Variants in SYNPO2 observed in about 807,000 individuals in gnomAD.
The protein encoded by SYNPO2 is synaptopodin 2.
Under a neutral mutation model 85.0 loss-of-function variants are expected in SYNPO2, and 56 were observed. The observed-to-expected ratio is 0.66, with a 90% CI of 0.53 to 0.82. SYNPO2 has a LOEUF of 0.82. SYNPO2 is among the 40% of genes least tolerant of loss of function. SYNPO2 has a pLI of 0.00. For synonymous variants in SYNPO2, 602 were observed against 591.1 expected (o/e 1.02, Z -0.27); for missense variants, 1,575 against 1,534.2 (o/e 1.03, Z -0.44).
intron 1 of SYNPO2, among the ~76,000 whole-genome samples, chr4:118,923,241 C>A (rs562892920): frequency 6.6e-6 from 1 of 152,206 alleles, no homozygotes; most frequent in East Asian, 1.9e-4. Flanking sequence ...ATGACCTTTT[C>A]AGCCACATGG....
intron 1 of SYNPO2, among the ~76,000 whole-genome samples, chr4:118,873,970 G>C (rs1382526746): frequency 7.9e-6 from 1 of 126,038 alleles, no homozygotes; most frequent in Non-Finnish European, 1.8e-5. Flanking sequence ...ATTAAAAAGA[G>C]TGTCCTTTTC....
intron 1 of SYNPO2, among the ~76,000 whole-genome samples, chr4:118,977,424 G>A (rs958664413): frequency 6.6e-6 from 1 of 152,200 alleles, no homozygotes; most frequent in African/African-American, 2.4e-5. Flanking sequence ...TCCCGCTCAC[G>A]CCTCTCCCTC....
In SYNPO2 at chr4:119,030,906, T is replaced by C. The variant is rs747794714; in HGVS notation, c.2131T>C (p.Leu711=). 2 of 1,614,126 alleles carry C rather than the reference T, an allele frequency of 1.2e-6. No homozygotes were observed. The highest frequency in any genetic ancestry group is 1.1e-5 in the South Asian group (1 of 91,082). Residue 711 remains leucine, a synonymous_variant, in exon 4 of 5, where the codon TTG becomes CTG. Transcript: ENST00000307142. ...CAAAGTAAGCCCAAATCCTGAACTC[T>C]TGTCACTCCTTCAAAATTCAGAAGG... is the stretch of plus-strand genomic sequence containing the variant. The part of the protein sequence containing the change: ...EPKVSPNPEL[L]SLLQNSEGKR...
In SYNPO2 at chr4:118,906,189, C is replaced by A. The variant is rs555593691; in HGVS notation, c.105+17048C>A. On this transcript the variant is annotated intron_variant, in intron 1 of 4. Coordinates refer to ENST00000307142, the MANE Select transcript of SYNPO2 (RefSeq NM_133477.3). ...TTCAAGAGTGGCAACTATTGAAAAG[C>A]CTGATTTTGCTGAGGTTTTGCTTTT... 5.9e-5 allele frequency among the ~76,000 whole-genome samples: 9 copies of A among 151,890 alleles called. No homozygotes were observed. In the South Asian group the frequency reaches 1.7e-3, roughly 28 times the overall value.
intron 1 of SYNPO2, among the ~76,000 whole-genome samples, chr4:119,015,569 T>C (rs1737494345): frequency 6.6e-6 from 1 of 152,164 alleles, no homozygotes. Context: ...ACATTATGGA[T>C]TCCAATTCAT....
rs564810818 is a variant in SYNPO2, at chr4:118,939,865, T to C, written c.105+50724T>C. On this transcript the variant is annotated intron_variant, in intron 1 of 4. Transcript: ENST00000307142. ...TTAGAGACTCAGTGTTCTCACGTAA[T>C]ATCACTTTTTGAACTGTGTTTTGTT... 7.2e-5 allele frequency among the ~76,000 whole-genome samples: 11 copies of C among 152,330 alleles called. No individual in the cohort carries two copies. The South Asian group carries it at 1.9e-3, about 26-fold the overall frequency.
At chr4:118,993,300 TAGTA>T (rs1192960678) in intron 1 of SYNPO2, among the ~76,000 whole-genome samples, 3 of 152,134 alleles carry the variant, frequency 2.0e-5, no homozygotes, top group Non-Finnish European at 2.9e-5. Context: ...GGAAATGAAA[TAGTA>T]AGCATGATGG....
intron 1 of SYNPO2, among the ~76,000 whole-genome samples, chr4:118,968,237 GC>G (rs1735388680): frequency 6.6e-6 from 1 of 152,180 alleles, no homozygotes; most frequent in South Asian, 2.1e-4. Flanking sequence ...GAAGGAAGTT[GC>G]TGCAGGGTCA....
intron 1 of SYNPO2, among the ~76,000 whole-genome samples, chr4:119,001,764 T>C (rs1339695534): frequency 6.6e-6 from 1 of 152,200 alleles, no homozygotes; most frequent in East Asian, 1.9e-4. Context: ...TACCTTTGTC[T>C]AGTTTTCTTC....
intron 1 of SYNPO2, among the ~76,000 whole-genome samples, chr4:119,007,252 ACATATATATATATATATATATATG>A (rs1560972269): frequency 0.047 from 1,327 of 28,038 alleles, 58 homozygotes; most frequent in Middle Eastern, 0.11. Context: ...ATATGTATAT[ACATATATATATATATATATATATG>A]TATATACATA....
chr4:119,027,419 G>C lies in SYNPO2; in HGVS notation c.1050G>C (p.Lys350Asn), dbSNP rs1172674048. 1.3e-6 allele frequency: 2 copies of C among 1,599,848 alleles called. No homozygotes were observed. Among genetic ancestry groups the C allele is most frequent in the Admixed American group, 1.7e-5 (1 of 59,772 alleles). Reference sequence around the variant, plus strand: ...AAAAAGATCACAGCAGACCTCACAAGCACCGAGCGCGGCATGCACGTAAGT... The same window carrying C: ...AAAAAGATCACAGCAGACCTCACAACCACCGAGCGCGGCATGCACGTAAGT... The part of the protein sequence containing the change: ...RSEKDHSRPH[K>N]HRARHARLRR... The change falls in exon 3 of 5, where the codon AAG (lysine) becomes AAC (asparagine). Residue 350 changes from lysine to asparagine, a missense_variant. Lys to Asn is a moderately conservative substitution (Grantham distance 94). Transcript: ENST00000307142.
intron 1 of SYNPO2, among the ~76,000 whole-genome samples, chr4:118,969,847 T>G (rs539665211): frequency 2.0e-5 from 3 of 152,256 alleles, no homozygotes; most frequent in Non-Finnish European, 4.4e-5. Context: ...CAAAAATGAT[T>G]TGAGATGAGA....
chr4:119,030,724 C>G lies in SYNPO2; in HGVS notation c.1949C>G (p.Pro650Arg), dbSNP rs1455498936. ...GGCCCAGCACAGCCCCCTCCATGGC[C>G]CCAGCCTGCCCCGTGGTCCCAGCCA... ...IAGPAQPPPW[P>R]QPAPWSQPAF... The change falls in exon 4 of 5, where the codon CCC becomes CGC. Residue 650 changes from proline (P) to arginine (R), a missense_variant. Around this residue, in one of 3 missense-constraint regions of SYNPO2, gnomAD observed 1,508 missense variants for 1,446.8 expected, o/e 1.04. Coordinates refer to ENST00000307142, the MANE Select transcript of SYNPO2 (RefSeq NM_133477.3). The G allele has an allele frequency of 6.2e-7, 1 of 1,614,184 alleles. No individual in the cohort carries two copies. The highest frequency in any genetic ancestry group is 8.5e-7 in the Non-Finnish European group (1 of 1,180,048).
intron 1 of SYNPO2, among the ~76,000 whole-genome samples, chr4:118,945,082 C>T (rs1159250739): frequency 6.6e-6 from 1 of 152,172 alleles, no homozygotes; most frequent in Non-Finnish European, 1.5e-5. Flanking sequence ...TAATGAAGTA[C>T]AGTACTTAAT....
At chr4:119,003,298 T>A (rs906697735) in intron 1 of SYNPO2, among the ~76,000 whole-genome samples, 7 of 151,984 alleles carry the variant, frequency 4.6e-5, no homozygotes, top group Non-Finnish European at 8.8e-5. Flanking sequence ...GCCAAACACA[T>A]AAAACCATCA....
chr4:119,033,261 C>T (rs2279504), intron 4 of SYNPO2: 828,461 of 985,090 alleles, frequency 0.84, 350,988 homozygotes, highest in Non-Finnish European at 0.86. Flanking sequence ...CTTGTGTTTG[C>T]TTTGCTTTTT....
At chr4:118,932,136 G>A (rs950562281) in intron 1 of SYNPO2, among the ~76,000 whole-genome samples, 4 of 152,016 alleles carry the variant, frequency 2.6e-5, no homozygotes, top group African/African-American at 9.7e-5. Flanking sequence ...ACTGAAATAG[G>A]ATCATTTCCA....
chr4:118,878,675 C>G (rs1330669750), intron 1 of SYNPO2, among the ~76,000 whole-genome samples: 1 of 152,192 alleles, frequency 6.6e-6, no homozygotes, highest in Non-Finnish European at 1.5e-5. Context: ...TAAAAACGCA[C>G]CAATCAGTGC....
intron 1 of SYNPO2, among the ~76,000 whole-genome samples, chr4:118,911,466 C>T (rs1010047949): frequency 6.6e-6 from 1 of 152,158 alleles, no homozygotes; most frequent in Non-Finnish European, 1.5e-5. Flanking sequence ...AATCTAGTCA[C>T]CTTTCAAGCA....
Sources: gnomAD v4.1 joint callset for allele counts (sites outside exome capture counted in the v4.1 genomes callset) on GRCh38, gnomAD v4.1.1 for gene constraint, gnomAD v4.1.1 regional missense constraint, MANE v1.5 for transcripts, NCBI Gene and HGNC (gene_info 2026-07-23, HGNC 2026-07-21) for gene names.